Variants in CAV2 observed in about 807,000 individuals in gnomAD.
The protein encoded by CAV2 is caveolin-2.
Under a neutral mutation model 15.5 loss-of-function variants are expected in CAV2, and 7 were observed. The ratio of observed to expected loss-of-function variants is 0.45; its 90% CI spans 0.26 to 0.85. CAV2 has a LOEUF of 0.85. Ranked by LOEUF, CAV2 falls within the 40% of genes least tolerant of loss-of-function variation. CAV2 has a pLI of 0.18. For missense variants in CAV2, 229 were observed against 208.8 expected (o/e 1.10, Z -0.60); for synonymous variants, 76 against 83.1 (o/e 0.91, Z 0.46).
chr7:116,505,920 C>T (rs777659594), intron 2 of CAV2, 51 bp from the exon 3 acceptor site: 1 of 1,324,520 alleles, frequency 7.5e-7, no homozygotes, highest in Non-Finnish European at 1.1e-6. Context: ...CAAGACAGAC[C>T]TTATTTGGTA....
chr7:116,505,048 G>A (rs528890699), intron 2 of CAV2, among the ~76,000 whole-genome samples: 5 of 152,242 alleles, frequency 3.3e-5, no homozygotes, highest in Admixed American at 6.5e-5. Flanking sequence ...AAACTTAAAC[G>A]CTAGTAGGAA....
chr7:116,507,823 A>G lies in CAV2; in HGVS notation c.*1702A>G, dbSNP rs1351512212. On this transcript the variant is annotated 3_prime_UTR_variant, in exon 3 of 3. Coordinates refer to ENST00000222693, the MANE Select transcript of CAV2 (RefSeq NM_001233.5). ...TAAATGCTTAAATTTCAGAATTACCATCAGAACCTCAATTGACATTCCTTT... is the reference window on the plus strand; with the variant it reads ...TAAATGCTTAAATTTCAGAATTACCGTCAGAACCTCAATTGACATTCCTTT... 1 of 152,274 alleles carries G rather than the reference A, an allele frequency of 6.6e-6. No homozygotes were observed. Among genetic ancestry groups the G allele is most frequent in the Non-Finnish European group, 1.5e-5 (1 of 68,042 alleles). The allele number at this position is 152,274 out of a possible 1,614,324, so 9.4% of individuals were successfully genotyped here. A position where few individuals can be genotyped will look rare whatever the true frequency, so the allele number is the denominator to read the frequency against.
In CAV2 at chr7:116,500,282, CAG is replaced by C. The variant is rs757915346; in HGVS notation, c.176_177del (p.Glu59AlafsTer8). On this transcript the variant is annotated frameshift_variant, in exon 2 of 3. Coordinates refer to ENST00000222693, the MANE Select transcript of CAV2 (RefSeq NM_001233.5). LOFTEE classifies it high-confidence loss of function. ...CAGCTGGGCTTCGAGGATGTGATCG[CAG>C]AGCCGGTGACTACGCACTCCTTTGA... The C allele has an allele frequency of 1.6e-5, 26 of 1,613,978 alleles. No homozygotes were observed. The highest frequency in any genetic ancestry group is 1.7e-6 in the Non-Finnish European group (2 of 1,179,964).
intron 1 of CAV2, 70 bp downstream of exon 1, chr7:116,500,001 C>T (rs1793053657): frequency 2.6e-6 from 4 of 1,554,822 alleles, no homozygotes; most frequent in South Asian, 1.2e-5. Flanking sequence ...TCAGCCCCGC[C>T]CTAACCCGTC....
chr7:116,501,125 G>A (rs924041899), intron 2 of CAV2: 1 of 152,202 alleles, frequency 6.6e-6, no homozygotes, highest in African/African-American at 2.4e-5. Flanking sequence ...ATAATTAAAG[G>A]GGAAAGAAAT....
At chr7:116,500,195 C>G (rs1448182760) in intron 1 of CAV2, 65 bp from the exon 2 acceptor site, 1 of 1,569,360 alleles carries the variant, frequency 6.4e-7, no homozygotes. Flanking sequence ...CCGCCCAAAG[C>G]GCTCCCGGTT....
At position 116,503,923 on chromosome 7, in the gene CAV2, A is replaced by AGGGAGGGAGGG. The variant is rs1563085952; in HGVS notation, c.339-2048_339-2047insGGGAGGGAGGG. On this transcript the variant is annotated intron_variant, in intron 2 of 2. Coordinates refer to ENST00000222693, the MANE Select transcript of CAV2 (RefSeq NM_001233.5). ...GGAGGGAGGGAGGGAGGAAGGAAGG[A>AGGGAGGGAGGG]AGGGAGGGAGGGAGGGAGGGAGGAA... 2.9e-3 allele frequency among the ~76,000 whole-genome samples: 152 copies of AGGGAGGGAGGG among 53,254 alleles called. 1 individual carries two copies. Among genetic ancestry groups the AGGGAGGGAGGG allele is most frequent in the African/African-American group, 0.012 (142 of 11,560 alleles). 34.9% of individuals were successfully genotyped at this position (53,254 alleles called of 152,430 possible).
chr7:116,501,894 A>G (rs907231841), intron 2 of CAV2, among the ~76,000 whole-genome samples: 33 of 152,246 alleles, frequency 2.2e-4, no homozygotes, highest in African/African-American at 7.5e-4. Context: ...GTACATGATC[A>G]GCTTCATGAA....
chr7:116,505,215 G>T lies in CAV2; in HGVS notation c.339-756G>T, dbSNP rs150927901. Reference sequence around the variant, plus strand: ...AGGCAGCAGGAAAGGCTATCAGGAAGTAAACCCTCAGGGAAGTGTGAAGAC... The same window carrying T: ...AGGCAGCAGGAAAGGCTATCAGGAATTAAACCCTCAGGGAAGTGTGAAGAC... On this transcript the variant is annotated intron_variant, in intron 2 of 2. Coordinates refer to ENST00000222693, the MANE Select transcript of CAV2 (RefSeq NM_001233.5). 2.7e-3 allele frequency among the ~76,000 whole-genome samples: 414 copies of T among 152,338 alleles called. 2 individuals are homozygous for T. The highest frequency in any genetic ancestry group is 9.5e-3 in the African/African-American group (394 of 41,590).
chr7:116,504,316 G>T (rs892027614), intron 2 of CAV2, among the ~76,000 whole-genome samples: 2 of 152,122 alleles, frequency 1.3e-5, no homozygotes, highest in African/African-American at 4.8e-5. Flanking sequence ...GTAGCAACAT[G>T]CCCAAGACCA....
intron 2 of CAV2, 29 bp downstream of exon 2, chr7:116,500,476 C>T (rs1314324303): frequency 1.2e-5 from 19 of 1,595,814 alleles, no homozygotes; most frequent in Admixed American, 6.8e-5. Context: ...GGTGGACCGG[C>T]TTTCTGAAAC....
rs200183803 is a variant in CAV2 at position 116,500,464 on chromosome 7, C to T, written c.338+17C>T. 4.4e-6 allele frequency: 7 copies of T among 1,605,602 alleles called. No homozygotes were observed. Among genetic ancestry groups the T allele is most frequent in the Admixed American group, 3.4e-5 (2 of 59,650 alleles). ...GCACATCTGGTGAGACGGGGCACAC[C>T]GGGTGGACCGGCTTTCTGAAACATG... On this transcript the variant is annotated intron_variant, in intron 2 of 2. Coordinates refer to ENST00000222693, the MANE Select transcript of CAV2 (RefSeq NM_001233.5).
chr7:116,504,036 G>GA (rs1170677409), intron 2 of CAV2, among the ~76,000 whole-genome samples: 2 of 57,478 alleles, frequency 3.5e-5, no homozygotes, highest in Non-Finnish European at 7.3e-5. Context: ...GAAAGAGAAA[G>GA]AAAAAGAAAG....
In CAV2 at chr7:116,500,366, A is replaced by C. The variant is rs1419264237; in HGVS notation, c.257A>C (p.Lys86Thr). The C allele has an allele frequency of 1.2e-5, 20 of 1,614,096 alleles. No individual in the cohort carries two copies. Among genetic ancestry groups the C allele is most frequent in the Non-Finnish European group, 1.7e-5 (20 of 1,180,034 alleles). The change falls in exon 2 of 3, where the codon AAG becomes ACG. Residue 86 changes from lysine to threonine, a missense_variant. Lys to Thr is a moderately conservative substitution (Grantham distance 78). Transcript: ENST00000222693. ...LFEISKYVMY[K>T]FLTVFLAIPL... is the part of the protein sequence containing the mutation. ...GAAATCAGCAAATACGTAATGTACA[A>C]GTTCCTGACGGTGTTCCTGGCCATT...
intron 2 of CAV2, among the ~76,000 whole-genome samples, chr7:116,504,592 C>T (rs1793188036): frequency 6.6e-6 from 1 of 152,138 alleles, no homozygotes; most frequent in South Asian, 2.1e-4. Context: ...TCATTTAAGT[C>T]ATATTTTAAT....
intron 2 of CAV2, among the ~76,000 whole-genome samples, chr7:116,503,939 G>A (rs1297622186): frequency 4.2e-5 from 4 of 95,310 alleles, no homozygotes; most frequent in African/African-American, 1.6e-4. Flanking sequence ...GGGAGGGAGG[G>A]AGGGAGGAAG....
In CAV2 at chr7:116,506,158, A is replaced by C; in HGVS notation, c.*37A>C. On this transcript the variant is annotated 3_prime_UTR_variant, in exon 3 of 3. Coordinates refer to ENST00000222693, the MANE Select transcript of CAV2 (RefSeq NM_001233.5). ...CCAGGTCTGGAGATTGGGATACTGTAATACTTCTTTGTTATTATAACATAA... is the reference window on the plus strand; with the variant it reads ...CCAGGTCTGGAGATTGGGATACTGTCATACTTCTTTGTTATTATAACATAA... 6.2e-7 allele frequency: 1 copy of C among 1,605,802 alleles called. No individual in the cohort carries two copies. Among genetic ancestry groups the C allele is most frequent in the Non-Finnish European group, 8.5e-7 (1 of 1,173,022 alleles).
rs1793259760 is a variant in CAV2 at position 116,507,301 on chromosome 7, C to T, written c.*1180C>T. ...ATTTCTCTAATATTGGTATGTAACA[C>T]AGGATAAAGTTATTCTTGTCATTTT... On this transcript the variant is annotated 3_prime_UTR_variant, in exon 3 of 3. Coordinates refer to ENST00000222693, the MANE Select transcript of CAV2 (RefSeq NM_001233.5). The T allele has an allele frequency of 6.6e-6, 1 of 152,136 alleles. No homozygotes were observed. The highest frequency in any genetic ancestry group is 2.1e-4 in the South Asian group (1 of 4,822). 9.4% of individuals were successfully genotyped at this position (152,136 alleles called of 1,614,324 possible).
chr7:116,500,056 C>T, intron 1 of CAV2, 125 bp downstream of exon 1: 1 of 1,477,574 alleles, frequency 6.8e-7, no homozygotes, highest in East Asian at 2.4e-5. Context: ...GAGACCCGCA[C>T]CCTTCCCCGG....
Sources: allele counts gnomAD v4.1 joint callset (sites outside exome capture counted in the v4.1 genomes callset), GRCh38; gene constraint gnomAD v4.1.1; transcripts MANE v1.5; gene names NCBI Gene and HGNC (gene_info 2026-07-23, HGNC 2026-07-21).